ITGB6: variants seen among roughly 807,000 people sequenced by gnomAD.
The protein encoded by ITGB6 is integrin subunit beta 6.
In ITGB6, 80 loss-of-function variants were observed where a neutral mutation model predicts 84.5. The observed-to-expected ratio is 0.95, with a 90% CI of 0.79 to 1.14. The LOEUF (loss-of-function observed/expected upper bound fraction) is 1.14, where lower values mean the gene tolerates loss of function less well. ITGB6 is among the 50% of genes most tolerant of loss of function. The pLI is 0.00. For missense variants in ITGB6, 1,006 were observed against 968.0 expected (o/e 1.04, Z -0.52); for synonymous variants, 383 against 354.9 (o/e 1.08, Z -0.89).
intron 7 of ITGB6, among the ~76,000 whole-genome samples, chr2:160,146,434 C>T (rs1380892818): frequency 6.6e-6 from 1 of 152,130 alleles, no homozygotes; most frequent in East Asian, 1.9e-4. Flanking sequence ...GCTCACAGCA[C>T]TGTTTGTTTT....
intron 4 of ITGB6, among the ~76,000 whole-genome samples, chr2:160,189,877 T>A (rs183476576): frequency 6.6e-6 from 1 of 152,146 alleles, no homozygotes; most frequent in Non-Finnish European, 1.5e-5. Context: ...GGATTCTAAA[T>A]CATGCTGCTA....
intron 7 of ITGB6, among the ~76,000 whole-genome samples, chr2:160,148,874 G>A (rs1464989147): frequency 2.0e-5 from 3 of 152,216 alleles, no homozygotes; most frequent in East Asian, 1.9e-4. Flanking sequence ...ATCGATCTGC[G>A]AGACAGCAGC....
At chr2:160,135,924 A>G (rs1315864356) in intron 10 of ITGB6, among the ~76,000 whole-genome samples, 1 of 152,220 alleles carries the variant, frequency 6.6e-6, no homozygotes, top group Non-Finnish European at 1.5e-5. Flanking sequence ...TAAAGATTTA[A>G]ATATTAGACC....
intron 4 of ITGB6, among the ~76,000 whole-genome samples, chr2:160,175,428 C>G (rs548542931): frequency 5.3e-5 from 8 of 152,202 alleles, no homozygotes. Flanking sequence ...CAAAGCATCT[C>G]CCTATATGCA....
At position 160,172,671 on chromosome 2, in the gene ITGB6, A is replaced by G. The variant is rs61737770; in HGVS notation, c.819T>C (p.Asp273=). 9.3e-6 allele frequency: 15 copies of G among 1,611,426 alleles called. No individual in the cohort carries two copies. In the African/African-American group the frequency reaches 1.9e-4, roughly 20 times the overall value. Residue 273 remains aspartate, a synonymous_variant, in exon 6 of 15, where the codon GAT becomes GAC. Transcript: ENST00000283249. ...GTTTGCTGTCCATTCCAAAATGAGA[A>G]TCAGCATCACTCACAAAGACCAGGA... is the stretch of plus-strand genomic sequence containing the variant. ...LHLLVFVSDA[D]SHFGMDSKLA...
At chr2:160,179,495 C>G (rs1278630752) in intron 4 of ITGB6, among the ~76,000 whole-genome samples, 1 of 150,996 alleles carries the variant, frequency 6.6e-6, no homozygotes, top group African/African-American at 2.4e-5. Flanking sequence ...ATTCTCCTGC[C>G]TCAGCCTCCC....
At chr2:160,189,260 A>T (rs2105890779) in intron 4 of ITGB6, among the ~76,000 whole-genome samples, 1 of 152,298 alleles carries the variant, frequency 6.6e-6, no homozygotes, top group Non-Finnish European at 1.5e-5. Context: ...CTAGAAGAAA[A>T]CCTAGGCAAT....
At chr2:160,138,749 C>A (rs886121534) in intron 8 of ITGB6, among the ~76,000 whole-genome samples, 2 of 152,192 alleles carry the variant, frequency 1.3e-5, no homozygotes, top group Non-Finnish European at 2.9e-5. Context: ...CAAATTTACA[C>A]CCTGCTGCTC....
chr2:160,183,967 C>A (rs999624661), intron 4 of ITGB6, among the ~76,000 whole-genome samples: 2 of 152,162 alleles, frequency 1.3e-5, no homozygotes, highest in African/African-American at 4.8e-5. Flanking sequence ...ATCTCTGAGA[C>A]ACAGCTAAAG....
intron 7 of ITGB6, among the ~76,000 whole-genome samples, chr2:160,142,955 G>C (rs1201938347): frequency 1.3e-5 from 2 of 152,160 alleles, no homozygotes; most frequent in East Asian, 3.8e-4. Flanking sequence ...AAAATACTTT[G>C]GCCTTTGCTT....
At chr2:160,176,628 C>A (rs1482366397) in intron 4 of ITGB6, among the ~76,000 whole-genome samples, 4 of 152,158 alleles carry the variant, frequency 2.6e-5, no homozygotes, top group African/African-American at 2.4e-5. Flanking sequence ...GCACGATGAG[C>A]TTTTCAGAGT....
In ITGB6 at chr2:160,140,937, C is replaced by T. The variant is rs559436710; in HGVS notation, c.1107+1045G>A. ...CCAAAATATGTAGCTCTCATTTCCC[C>T]TGAAGTCCTTCAAAGACGTCTGTGA... On this transcript the variant is annotated intron_variant, in intron 8 of 14. Coordinates refer to ENST00000283249, the MANE Select transcript of ITGB6 (RefSeq NM_000888.5). Among the ~76,000 whole-genome samples the T allele has an allele frequency of 7.2e-5, 11 of 152,226 alleles. No homozygotes were observed. In the East Asian group the frequency reaches 1.9e-3, roughly 27 times the overall value.
chr2:160,196,354 A>T lies in ITGB6; in HGVS notation c.208T>A (p.Cys70Ser), dbSNP rs764621080. ...GGGTTTTCGATGAAGTTTAATTGAC[A>T]TCCTTTAGCTAAAAGGTTTGCTGGG... ...DTPANLLAKG[C>S]QLNFIENPVS... The change falls in exon 3 of 15, where the codon TGT (cysteine) becomes AGT (serine). Residue 70 changes from cysteine to serine, a missense_variant. Transcript: ENST00000283249. The T allele has an allele frequency of 4.3e-6, 7 of 1,613,962 alleles. No individual in the cohort carries two copies. Among genetic ancestry groups the T allele is most frequent in the African/African-American group, 1.3e-5 (1 of 74,916 alleles).
In ITGB6 at chr2:160,121,654, C is replaced by T. The variant is rs572132683; in HGVS notation, c.1981+2137G>A. Among the ~76,000 whole-genome samples the T allele has an allele frequency of 1.2e-4, 18 of 151,742 alleles. No individual in the cohort carries two copies. The South Asian group carries it at 3.7e-3, about 32-fold the overall frequency. On this transcript the variant is annotated intron_variant, in intron 12 of 14. Transcript: ENST00000283249. ...CAAAAAATTACACTGTGTAGGGTGG[C>T]ATGTGCCTGTAGTCCCAGGTACTCA...
intron 11 of ITGB6, among the ~76,000 whole-genome samples, chr2:160,125,021 G>T (rs1049007392): frequency 5.9e-5 from 9 of 152,144 alleles, no homozygotes; most frequent in African/African-American, 1.7e-4. Context: ...GGCTGCCCTA[G>T]CTAGTCTGGT....
intron 6 of ITGB6, among the ~76,000 whole-genome samples, chr2:160,171,665 G>A (rs978106048): frequency 6.6e-6 from 1 of 152,206 alleles, no homozygotes; most frequent in African/African-American, 2.4e-5. Flanking sequence ...CACCCACTGT[G>A]TTATAGGCAC....
chr2:160,175,219 T>G (rs1685373386), intron 4 of ITGB6, among the ~76,000 whole-genome samples: 1 of 152,254 alleles, frequency 6.6e-6, no homozygotes, highest in African/African-American at 2.4e-5. Context: ...CATTTTTCAA[T>G]GTTAGGCTTC....
At chr2:160,191,513 A>G (rs1272088829) in intron 4 of ITGB6, among the ~76,000 whole-genome samples, 1 of 152,184 alleles carries the variant, frequency 6.6e-6, no homozygotes, top group Non-Finnish European at 1.5e-5. Flanking sequence ...GGAATAGAAG[A>G]TCATTTCTTT....
At chr2:160,151,398 G>A (rs1423776112) in intron 7 of ITGB6, among the ~76,000 whole-genome samples, 1 of 152,166 alleles carries the variant, frequency 6.6e-6, no homozygotes, top group African/African-American at 2.4e-5. Context: ...TGAAACCAAT[G>A]AGAACAAAGA....
Sources: allele counts gnomAD v4.1 joint callset (sites outside exome capture counted in the v4.1 genomes callset), GRCh38; gene constraint gnomAD v4.1.1; transcripts MANE v1.5; gene names NCBI Gene and HGNC (gene_info 2026-07-23, HGNC 2026-07-21).